The following OSBP variants were observed in gnomAD, a reference collection of about 807,000 sequenced individuals.
OSBP encodes oxysterol binding protein.
A neutral mutation model predicts 96.6 loss-of-function variants in OSBP; 32 were observed. The ratio of observed to expected loss-of-function variants is 0.33; its 90% CI spans 0.25 to 0.45. OSBP has a LOEUF of 0.45. Ranked by LOEUF, OSBP falls within the 20% of genes least tolerant of loss-of-function variation. The pLI is 1.00. For synonymous variants in OSBP, 369 were observed against 389.6 expected, an observed-to-expected ratio of 0.95 and a Z score of 0.62; for missense variants, 653 against 1,029.7, an observed-to-expected ratio of 0.63 and a Z score of 5.01.
At chr11:59,594,321 T>C in intron 7 of OSBP, 66 bp from the exon 8 acceptor site, 1 of 1,544,258 alleles carries the variant, frequency 6.5e-7, no homozygotes, top group South Asian at 1.2e-5. Context: ...TTAATTTTTT[T>C]TGCAGTTTAG....
intron 3 of OSBP, among the ~76,000 whole-genome samples, chr11:59,607,328 G>C (rs1860792825): frequency 6.6e-6 from 1 of 152,188 alleles, no homozygotes; most frequent in Non-Finnish European, 1.5e-5. Flanking sequence ...CACCCTGACT[G>C]GCTGACTGGT....
chr11:59,601,660 C>T lies in OSBP; in HGVS notation c.1001G>A (p.Gly334Asp). The T allele has an allele frequency of 1.2e-6, 2 of 1,612,822 alleles. No homozygotes were observed. Among genetic ancestry groups the T allele is most frequent in the South Asian group, 2.2e-5 (2 of 91,022 alleles). The change falls in exon 4 of 14, where the codon GGC becomes GAC. Residue 334 changes from glycine (G) to aspartate (D), a missense_variant. Transcript: ENST00000263847. ...CTTACCTTTACCAGAACCCACATTGCCAGGAGTGTTTGCCGGCAGCACCGT... is the reference window on the plus strand; with the variant it reads ...CTTACCTTTACCAGAACCCACATTGTCAGGAGTGTTTGCCGGCAGCACCGT... The part of the protein sequence containing the change: ...GATVLPANTP[G>D]NVGSGKDQCC...
chr11:59,592,339 A>T (rs964663596), intron 9 of OSBP, among the ~76,000 whole-genome samples: 9 of 152,244 alleles, frequency 5.9e-5, no homozygotes, highest in African/African-American at 2.2e-4. Flanking sequence ...GTTAGAAAAC[A>T]TTTATGAACT....
chr11:59,587,012 A>G (rs1860506924), intron 9 of OSBP, among the ~76,000 whole-genome samples: 1 of 152,220 alleles, frequency 6.6e-6, no homozygotes, highest in Admixed American at 6.5e-5. Flanking sequence ...AAACAACAAA[A>G]ATACAAAGCA....
chr11:59,598,596 T>C (rs1031468581), intron 7 of OSBP, among the ~76,000 whole-genome samples: 2 of 152,172 alleles, frequency 1.3e-5, no homozygotes, highest in African/African-American at 2.4e-5. Context: ...GGAAGTATCT[T>C]CTTGGTTTTT....
intron 11 of OSBP, 102 bp downstream of exon 11, chr11:59,580,072 C>T (rs920251368): frequency 2.5e-6 from 2 of 807,994 alleles, no homozygotes; most frequent in South Asian, 1.4e-5. Context: ...AATGTACACA[C>T]CCCCATACCA....
Position 59,601,740 on chromosome 11 carries a change from G to A in OSBP, c.921C>T (p.Thr307=). The change falls in exon 4 of 14, where the codon ACC becomes ACT. Residue 307 remains threonine (T), a synonymous_variant. Coordinates refer to ENST00000263847, the MANE Select transcript of OSBP (RefSeq NM_002556.3). ...ERDQRIRLEE[T]LEQLAKQHNH... ...TATGCTGCTTCGCCAGCTGCTCGAG[G>A]GTTTCTTCCAGTCGGATACGCTGGT... The A allele has an allele frequency of 1.2e-6, 2 of 1,614,124 alleles. No individual in the cohort carries two copies. The highest frequency in any genetic ancestry group is 2.2e-5 in the East Asian group (1 of 44,876).
At position 59,601,930 on chromosome 11, in the gene OSBP, A is replaced by C. The variant is rs375620632; in HGVS notation, c.823-92T>G. ...CCCATTGAGTAACCTTATTCTGGGA[A>C]CTTTTAACTGGCAAATTACAATGAA... On this transcript the variant is annotated intron_variant, in intron 3 of 13. Transcript: ENST00000263847. The C allele has an allele frequency of 9.8e-6, 11 of 1,126,586 alleles. No homozygotes were observed. In the African/African-American group the frequency reaches 1.7e-4, roughly 18 times the overall value. 69.8% of individuals were successfully genotyped at this position (1,126,586 alleles called of 1,614,324 possible).
chr11:59,600,136 A>G (rs2134668794), intron 7 of OSBP, among the ~76,000 whole-genome samples: 1 of 152,282 alleles, frequency 6.6e-6, no homozygotes, highest in South Asian at 2.1e-4. Context: ...CCATAATACT[A>G]TCACAGAAAA....
At chr11:59,592,214 C>A (rs577063183) in intron 9 of OSBP, among the ~76,000 whole-genome samples, 1 of 152,292 alleles carries the variant, frequency 6.6e-6, no homozygotes, top group African/African-American at 2.4e-5. Flanking sequence ...TTTAAAGGTC[C>A]TTGGTAAAGA....
At chr11:59,577,278 T>C (rs1427009604) in intron 12 of OSBP, among the ~76,000 whole-genome samples, 1 of 152,204 alleles carries the variant, frequency 6.6e-6, no homozygotes, top group African/African-American at 2.4e-5. Context: ...TGAAATTATC[T>C]ACGTTCATTA....
At chr11:59,590,579 T>C (rs771434766) in intron 9 of OSBP, among the ~76,000 whole-genome samples, 17 of 152,202 alleles carry the variant, frequency 1.1e-4, no homozygotes, top group Non-Finnish European at 2.1e-4. Flanking sequence ...GGCTGACCCA[T>C]AATGAGCACT....
chr11:59,585,024 A>G (rs901552037), intron 9 of OSBP, among the ~76,000 whole-genome samples: 13 of 152,118 alleles, frequency 8.5e-5, no homozygotes, highest in Non-Finnish European at 1.2e-4. Flanking sequence ...GGCCTCCCAA[A>G]ATGCCGAGAT....
Position 59,576,052 on chromosome 11 carries a change from C to T in OSBP, c.*525G>A, listed in dbSNP as rs1295594110. 6.5e-6 allele frequency: 1 copy of T among 153,900 alleles called. No homozygotes were observed. The highest frequency in any genetic ancestry group is 2.4e-5 in the African/African-American group (1 of 41,454). 9.5% of individuals were successfully genotyped at this position (153,900 alleles called of 1,614,324 possible). ...GCGTGGACACTCCATTAAACCGACCCCGCGTGTGAACACACTTGATGATGT... is the reference window on the plus strand; with the variant it reads ...GCGTGGACACTCCATTAAACCGACCTCGCGTGTGAACACACTTGATGATGT... On this transcript the variant is annotated 3_prime_UTR_variant, in exon 14 of 14. Coordinates refer to ENST00000263847, the MANE Select transcript of OSBP (RefSeq NM_002556.3).
At chr11:59,577,068 C>T (rs773234588) in intron 12 of OSBP, 43 bp from the exon 13 acceptor site, 2 of 1,532,604 alleles carry the variant, frequency 1.3e-6, no homozygotes, top group South Asian at 1.2e-5. Flanking sequence ...ATCCCAGAGC[C>T]CAGACCCTAT....
Position 59,615,387 on chromosome 11 carries a change from C to G in OSBP, c.278G>C (p.Gly93Ala). 6.3e-7 allele frequency: 1 copy of G among 1,579,654 alleles called. No homozygotes were observed. The highest frequency in any genetic ancestry group is 1.7e-4 in the Middle Eastern group (1 of 5,768). Reference protein sequence around the residue: ...GAGGSGSAREGWLFKWTNYIK... With the variant: ...GAGGSGSAREAWLFKWTNYIK... ...ATAATTGGTCCATTTGAAGAGCCAG[C>G]CCTCTCGAGCCGAGCCCGAACCCCC... is the stretch of plus-strand genomic sequence containing the variant. Residue 93 changes from glycine to alanine, a missense_variant, in exon 1 of 14, where the codon GGC becomes GCC. By Grantham distance (60) the Gly-to-Ala change is moderately conservative (BLOSUM62 0). Coordinates refer to ENST00000263847, the MANE Select transcript of OSBP (RefSeq NM_002556.3).
At chr11:59,606,027 G>A (rs1226168712) in intron 3 of OSBP, among the ~76,000 whole-genome samples, 1 of 152,072 alleles carries the variant, frequency 6.6e-6, no homozygotes, top group Non-Finnish European at 1.5e-5. Context: ...ATTTAGTTGA[G>A]GAAATTAGAG....
chr11:59,600,487 G>C lies in OSBP; in HGVS notation c.1311+9C>G. The C allele has an allele frequency of 6.2e-7, 1 of 1,613,570 alleles. No homozygotes were observed. Among genetic ancestry groups the C allele is most frequent in the Non-Finnish European group, 8.5e-7 (1 of 1,179,756 alleles). ...TCCTGGCAGCAGCTCCAGTGTGCAA[G>C]AACCTTACCGGCATGGGGATCTTAG... On this transcript the variant is annotated intron_variant, in intron 7 of 13. Coordinates refer to ENST00000263847, the MANE Select transcript of OSBP (RefSeq NM_002556.3).
chr11:59,605,903 G>T (rs1860775192), intron 3 of OSBP, among the ~76,000 whole-genome samples: 1 of 152,164 alleles, frequency 6.6e-6, no homozygotes, highest in African/African-American at 2.4e-5. Flanking sequence ...GAGGCAGTTG[G>T]ACGGGATGCA....
Sources: gnomAD v4.1 joint callset for allele counts (sites outside exome capture counted in the v4.1 genomes callset) on GRCh38, gnomAD v4.1.1 for gene constraint, MANE v1.5 for transcripts, NCBI Gene and HGNC (gene_info 2026-07-23, HGNC 2026-07-21) for gene names.